SNX24: variants seen among roughly 807,000 people sequenced by gnomAD.
SNX24 encodes sorting nexin 24.
A neutral mutation model predicts 28.7 loss-of-function variants in SNX24; 22 were observed. The observed-to-expected ratio is 0.77, with a 90% CI of 0.55 to 1.10. The LOEUF (loss-of-function observed/expected upper bound fraction) is 1.10, where lower values mean the gene tolerates loss of function less well. Among genes scored for constraint, SNX24 ranks in the 50% least tolerant of loss-of-function variants. The probability of loss-of-function intolerance (pLI) is 0.00; values close to 1 mark genes in which losing one functional copy is unlikely to be tolerated. For missense variants in SNX24, 221 were observed against 201.1 expected (o/e 1.10, Z -0.60); for synonymous variants, 69 against 71.5 (o/e 0.96, Z 0.18).
At chr5:122,945,588 A>G (rs576247131) in intron 2 of SNX24, among the ~76,000 whole-genome samples, 1 of 152,314 alleles carries the variant, frequency 6.6e-6, no homozygotes, top group East Asian at 1.9e-4. Flanking sequence ...TCTCCAAATG[A>G]TGTGGTCTAG....
intron 3 of SNX24, among the ~76,000 whole-genome samples, chr5:122,961,538 C>G (rs1171067607): frequency 6.6e-6 from 1 of 152,152 alleles, no homozygotes; most frequent in Non-Finnish European, 1.5e-5. Flanking sequence ...ATTGTCAGTA[C>G]TTAACAGTAC....
chr5:122,886,825 G>C (rs967463941), intron 1 of SNX24, among the ~76,000 whole-genome samples: 2 of 150,000 alleles, frequency 1.3e-5, no homozygotes, highest in African/African-American at 4.9e-5. Context: ...GCGAGACTCT[G>C]ACTCAAAAAA....
intron 1 of SNX24, among the ~76,000 whole-genome samples, chr5:122,912,727 CAT>C (rs1490521635): frequency 3.4e-5 from 5 of 147,354 alleles, no homozygotes; most frequent in African/African-American, 5.0e-5. Context: ...TTGAGATAAT[CAT>C]GTGGGTTTTT....
chr5:122,880,754 A>G (rs977843915), intron 1 of SNX24, among the ~76,000 whole-genome samples: 3 of 152,238 alleles, frequency 2.0e-5, no homozygotes, highest in Admixed American at 2.0e-4. Context: ...TAGAAGGAGT[A>G]GGGTGTAATT....
intron 2 of SNX24, among the ~76,000 whole-genome samples, chr5:122,938,384 T>C (rs1759274405): frequency 6.6e-6 from 1 of 152,204 alleles, no homozygotes; most frequent in South Asian, 2.1e-4. Flanking sequence ...TTTTACCTAT[T>C]CTTATAATTA....
chr5:122,989,732 C>G (rs764787956), intron 3 of SNX24, among the ~76,000 whole-genome samples: 4 of 152,120 alleles, frequency 2.6e-5, no homozygotes, highest in Non-Finnish European at 5.9e-5. Context: ...TGGAAAACTC[C>G]CAGAAAAGGG....
intron 1 of SNX24, among the ~76,000 whole-genome samples, chr5:122,871,587 G>C (rs1755982700): frequency 6.6e-6 from 1 of 152,118 alleles, no homozygotes; most frequent in Non-Finnish European, 1.5e-5. Flanking sequence ...GGCTAACATG[G>C]TGAAACCCCC....
At chr5:122,882,001 A>T (rs377751137) in intron 1 of SNX24, among the ~76,000 whole-genome samples, 1 of 150,016 alleles carries the variant, frequency 6.7e-6, no homozygotes, top group East Asian at 2.0e-4. Flanking sequence ...ACAAGGTCCC[A>T]CTCTGTCACT....
At chr5:122,933,265 G>C (rs1177452586) in intron 1 of SNX24, among the ~76,000 whole-genome samples, 1 of 152,134 alleles carries the variant, frequency 6.6e-6, no homozygotes, top group African/African-American at 2.4e-5. Context: ...CCAGCTTTTG[G>C]ACACAGGCAC....
chr5:122,992,217 A>C (rs1392386928), intron 3 of SNX24, among the ~76,000 whole-genome samples: 2 of 152,194 alleles, frequency 1.3e-5, no homozygotes, highest in African/African-American at 4.8e-5. Context: ...AGAGATAGCC[A>C]AAGAGAGGAT....
At chr5:122,903,001 C>T (rs1443308316) in intron 1 of SNX24, among the ~76,000 whole-genome samples, 1 of 152,198 alleles carries the variant, frequency 6.6e-6, no homozygotes, top group African/African-American at 2.4e-5. Context: ...GTCTCATTTT[C>T]ACCCTGTATA....
At chr5:122,910,545 G>C (rs915359411) in intron 1 of SNX24, among the ~76,000 whole-genome samples, 5 of 150,934 alleles carry the variant, frequency 3.3e-5, no homozygotes, top group Admixed American at 3.3e-4. Context: ...GTATACATGT[G>C]CCATGCTGGT....
At chr5:122,959,379 A>G (rs1227013519) in intron 3 of SNX24, among the ~76,000 whole-genome samples, 2 of 148,778 alleles carry the variant, frequency 1.3e-5, no homozygotes, top group African/African-American at 2.5e-5. Context: ...TTTATTTTAT[A>G]TATATATAAT....
intron 1 of SNX24, among the ~76,000 whole-genome samples, chr5:122,922,635 T>G (rs1758487829): frequency 6.6e-6 from 1 of 152,132 alleles, no homozygotes; most frequent in Non-Finnish European, 1.5e-5. Context: ...TATAACTTCA[T>G]ATTCTGCAGT....
At chr5:122,868,549 G>A (rs1755824066) in intron 1 of SNX24, among the ~76,000 whole-genome samples, 1 of 152,044 alleles carries the variant, frequency 6.6e-6, no homozygotes, top group Non-Finnish European at 1.5e-5. Context: ...TATCTGCCAC[G>A]GATACTTCAG....
chr5:122,876,050 G>A (rs891974521), intron 1 of SNX24, among the ~76,000 whole-genome samples: 1 of 152,194 alleles, frequency 6.6e-6, no homozygotes, highest in Non-Finnish European at 1.5e-5. Context: ...TTGCCATGTT[G>A]GCCAGGCTGG....
At chr5:123,012,187 A>G (rs1762594816), downstream of SNX24, among the ~76,000 whole-genome samples, 1 of 152,106 alleles carries the variant, frequency 6.6e-6, no homozygotes, top group Non-Finnish European at 1.5e-5. Flanking sequence ...AGTCAATTAA[A>G]CTTCTTTCCT....
At chr5:123,005,127 G>T (rs1468809648) in intron 6 of SNX24, among the ~76,000 whole-genome samples, 1 of 152,176 alleles carries the variant, frequency 6.6e-6, no homozygotes, top group Non-Finnish European at 1.5e-5. Flanking sequence ...ATCGCTAGTT[G>T]GTGGACCTTG....
chr5:122,908,226 A>G (rs187829983), intron 1 of SNX24, among the ~76,000 whole-genome samples: 4 of 152,362 alleles, frequency 2.6e-5, no homozygotes, highest in Non-Finnish European at 5.9e-5. Context: ...TGTTCCGTCA[A>G]CTAGTTTTGC....
Sources: gnomAD v4.1 joint callset for allele counts (sites outside exome capture counted in the v4.1 genomes callset) on GRCh38, gnomAD v4.1.1 for gene constraint, MANE v1.5 for transcripts, NCBI Gene and HGNC (gene_info 2026-07-23, HGNC 2026-07-21) for gene names.